The following ARHGAP18 variants were observed in gnomAD, a reference collection of about 807,000 sequenced individuals.
The protein encoded by ARHGAP18 is rho GTPase-activating protein 18.
ARHGAP18 carries 67 observed loss-of-function variants against 86.2 expected under a neutral mutation model. That is an observed-to-expected ratio of 0.78 (90% CI 0.64 to 0.95). The LOEUF (loss-of-function observed/expected upper bound fraction) is 0.95, where lower values mean the gene tolerates loss of function less well. Among genes scored for constraint, ARHGAP18 ranks in the 40% least tolerant of loss-of-function variants. ARHGAP18 has a pLI of 0.00. For synonymous variants in ARHGAP18, 283 were observed against 280.4 expected (o/e 1.01, Z -0.09); for missense variants, 691 against 780.4 (o/e 0.89, Z 1.37).
intron 1 of ARHGAP18, among the ~76,000 whole-genome samples, chr6:129,679,721 T>G (rs1016596406): frequency 6.6e-6 from 1 of 152,222 alleles, no homozygotes; most frequent in African/African-American, 2.4e-5. Context: ...ACAAGTTGCT[T>G]TCCATTTCGT....
chr6:129,616,191 G>T, intron 7 of ARHGAP18, 21 bp downstream of exon 7: 1 of 1,582,126 alleles, frequency 6.3e-7, no homozygotes, highest in Non-Finnish European at 8.6e-7. Context: ...TCTCTATGCT[G>T]ACCAATCCAA....
chr6:129,692,870 C>G (rs1287502250), intron 1 of ARHGAP18, among the ~76,000 whole-genome samples: 2 of 152,158 alleles, frequency 1.3e-5, no homozygotes. Flanking sequence ...CCAAGAAAAT[C>G]CACATGCTAT....
Position 129,614,082 on chromosome 6 carries a change from TG to T in ARHGAP18, c.1044+2129del, listed in dbSNP as rs769110976. Among the ~76,000 whole-genome samples the T allele has an allele frequency of 1.6e-3, 238 of 152,324 alleles. 1 individual carries two copies. The highest frequency in any genetic ancestry group is 2.9e-3 in the Non-Finnish European group (197 of 68,000). On this transcript the variant is annotated intron_variant, in intron 7 of 14. Transcript: ENST00000368149. ...AATATTTCTATTTCCCTCATCCTTCTGAGAACACAAGGTTTAAACAATGTAC... is the reference window on the plus strand; with the variant it reads ...AATATTTCTATTTCCCTCATCCTTCTAGAACACAAGGTTTAAACAATGTAC...
intron 1 of ARHGAP18, among the ~76,000 whole-genome samples, chr6:129,678,981 C>G (rs36118656): frequency 0.062 from 9,402 of 152,212 alleles, 439 homozygotes; most frequent in Middle Eastern, 0.11. Context: ...GCTTAATAAA[C>G]TGTAGAATAA....
chr6:129,618,933 G>A, intron 5 of ARHGAP18, 81 bp from the exon 6 acceptor site: 1 of 1,253,008 alleles, frequency 8.0e-7, no homozygotes, highest in Non-Finnish European at 1.1e-6. Context: ...ACCAACTACA[G>A]AAAGAAGTTA....
intron 12 of ARHGAP18, among the ~76,000 whole-genome samples, chr6:129,594,599 G>C (rs1482818223): frequency 6.6e-6 from 1 of 152,086 alleles, no homozygotes; most frequent in Non-Finnish European, 1.5e-5. Context: ...TCAGGCCCCT[G>C]TAGCCGACTC....
intron 1 of ARHGAP18, among the ~76,000 whole-genome samples, chr6:129,700,557 C>T (rs1351117947): frequency 6.6e-6 from 1 of 152,222 alleles, no homozygotes; most frequent in East Asian, 1.9e-4. Flanking sequence ...TAGAAGCAAA[C>T]ATTCATTTCC....
At chr6:129,646,933 A>T (rs2114504879) in intron 1 of ARHGAP18, among the ~76,000 whole-genome samples, 1 of 152,326 alleles carries the variant, frequency 6.6e-6, no homozygotes, top group Middle Eastern at 3.4e-3. Flanking sequence ...TCTCAAAAAC[A>T]ACACATAATG....
At chr6:129,693,283 G>GATCT (rs1774558281) in intron 1 of ARHGAP18, among the ~76,000 whole-genome samples, 2 of 152,224 alleles carry the variant, frequency 1.3e-5, no homozygotes, top group African/African-American at 4.8e-5. Context: ...AGGTTAAGAA[G>GATCT]ATCTGATTCT....
intron 11 of ARHGAP18, 31 bp from the exon 12 acceptor site, chr6:129,599,387 G>A (rs1788689061): frequency 5.0e-6 from 7 of 1,402,174 alleles, no homozygotes; most frequent in Non-Finnish European, 6.5e-6. Flanking sequence ...GCTTAGAGAG[G>A]AAAAAGAAAT....
At position 129,638,570 on chromosome 6, in the gene ARHGAP18, A is replaced by G. The variant is rs200033041; in HGVS notation, c.376T>C (p.Ser126Pro). 9.3e-6 allele frequency: 15 copies of G among 1,614,040 alleles called. No individual in the cohort carries two copies. Among genetic ancestry groups the G allele is most frequent in the Admixed American group, 1.7e-5 (1 of 60,000 alleles). ...ATGCTTTCCTGTGGATCTCCAGCAG[A>G]CTCTCCGAAGAGATTGGATAAACCG... ...EAGLSNLFGE[S>P]AGDPQESIVF... The change falls in exon 3 of 15, where the codon TCT (serine) becomes CCT (proline). Residue 126 changes from serine to proline, a missense_variant. By Grantham distance (74) the Ser-to-Pro change is moderately conservative. Coordinates refer to ENST00000368149, the MANE Select transcript of ARHGAP18 (RefSeq NM_033515.3).
At chr6:129,592,380 G>C (rs931472333) in intron 12 of ARHGAP18, among the ~76,000 whole-genome samples, 9 of 152,196 alleles carry the variant, frequency 5.9e-5, no homozygotes, top group African/African-American at 2.2e-4. Flanking sequence ...ACACCGCACT[G>C]CTGCCAATGC....
At chr6:129,706,760 G>A (rs1392709260) in intron 1 of ARHGAP18, among the ~76,000 whole-genome samples, 9 of 151,268 alleles carry the variant, frequency 5.9e-5, no homozygotes, top group East Asian at 2.0e-4. Context: ...GGTGGCACTC[G>A]CCTGTAATCC....
intron 3 of ARHGAP18, among the ~76,000 whole-genome samples, chr6:129,637,178 C>T (rs555051968): frequency 4.0e-5 from 6 of 151,756 alleles, no homozygotes; most frequent in Non-Finnish European, 8.8e-5. Flanking sequence ...AATCCTCTGG[C>T]CTCAGCCCCG....
chr6:129,649,510 T>G (rs1773656952), intron 1 of ARHGAP18, among the ~76,000 whole-genome samples: 3 of 131,620 alleles, frequency 2.3e-5, no homozygotes, highest in Admixed American at 9.3e-5. Flanking sequence ...GCCAAGATCA[T>G]GCCACTGCAC....
chr6:129,649,904 C>CTTT (rs370338328), intron 1 of ARHGAP18, among the ~76,000 whole-genome samples: 3 of 115,632 alleles, frequency 2.6e-5, no homozygotes, highest in African/African-American at 7.8e-5. Context: ...ACTTCGTCTT[C>CTTT]TTTTTTTTTG....
intron 1 of ARHGAP18, among the ~76,000 whole-genome samples, chr6:129,644,656 G>A (rs1030162263): frequency 2.6e-5 from 4 of 152,136 alleles, no homozygotes; most frequent in South Asian, 2.1e-4. Flanking sequence ...AATGACTAAC[G>A]CCAAATAATT....
chr6:129,629,142 G>A (rs1369760711), intron 5 of ARHGAP18, among the ~76,000 whole-genome samples: 3 of 151,956 alleles, frequency 2.0e-5, no homozygotes, highest in Non-Finnish European at 2.9e-5. Flanking sequence ...CCAAGACTTT[G>A]GGAGGCTGAG....
chr6:129,591,672 T>G (rs1224149656), intron 12 of ARHGAP18, among the ~76,000 whole-genome samples: 2 of 152,202 alleles, frequency 1.3e-5, no homozygotes, highest in East Asian at 3.8e-4. Context: ...GATTAGAAAT[T>G]TAATGTCAGA....
Sources: gnomAD v4.1 joint callset for allele counts (sites outside exome capture counted in the v4.1 genomes callset) on GRCh38, gnomAD v4.1.1 for gene constraint, MANE v1.5 for transcripts, NCBI Gene and HGNC (gene_info 2026-07-23, HGNC 2026-07-21) for gene names.